PI4KA: variants seen among roughly 807,000 people sequenced by gnomAD.
PI4KA encodes phosphatidylinositol 4-kinase alpha.
A neutral mutation model predicts 271.4 loss-of-function variants in PI4KA; 122 were observed. The ratio of observed to expected loss-of-function variants is 0.45; its 90% CI spans 0.39 to 0.52. The LOEUF is 0.52. Among genes scored for constraint, PI4KA ranks in the 20% least tolerant of loss-of-function variants. PI4KA has a pLI of 0.00. For missense variants in PI4KA, 1,969 were observed against 2,769.1 expected, an observed-to-expected ratio of 0.71 and a Z score of 6.48; for synonymous variants, 1,041 against 1,078.8, an observed-to-expected ratio of 0.96 and a Z score of 0.69.
At chr22:20,858,084 T>C (rs1927831647) in intron 1 of PI4KA, among the ~76,000 whole-genome samples, 1 of 152,222 alleles carries the variant, frequency 6.6e-6, no homozygotes, top group African/African-American at 2.4e-5. Flanking sequence ...TTTCGTCTCC[T>C]GGTCACCACA....
intron 22 of PI4KA, 110 bp downstream of exon 22, chr22:20,764,707 T>G: frequency 8.3e-7 from 1 of 1,209,212 alleles, no homozygotes; most frequent in Non-Finnish European, 1.1e-6. Flanking sequence ...TTCAGAAAGT[T>G]TGCATGTCTT....
In PI4KA at chr22:20,813,462, A is replaced by T; in HGVS notation, c.901T>A (p.Phe301Ile). The change falls in exon 8 of 55, where the codon TTT becomes ATT. Residue 301 changes from phenylalanine to isoleucine, a missense_variant. By Grantham distance (21) the Phe-to-Ile change is conservative. This residue lies in a region of PI4KA where 540 missense variants were observed against 555.5 expected (regional missense o/e 0.97). Coordinates refer to ENST00000255882, the MANE Select transcript of PI4KA (RefSeq NM_058004.4). Reference sequence around the variant, plus strand: ...GAGAAGCTGGAGCTGATGGTTGAAAAGTAGTACTCAGGCTCTAGGGCAGTC... The same window carrying T: ...GAGAAGCTGGAGCTGATGGTTGAAATGTAGTACTCAGGCTCTAGGGCAGTC... ...DGTALEPEYY[F>I]STISSSFSVS... 1 of 1,614,054 alleles carries T rather than the reference A, an allele frequency of 6.2e-7. No homozygotes were observed. Among genetic ancestry groups the T allele is most frequent in the Non-Finnish European group, 8.5e-7 (1 of 1,179,932 alleles).
At chr22:20,807,280 C>T (rs1935713756) in intron 10 of PI4KA, 82 bp downstream of exon 10, 1 of 818,268 alleles carries the variant, frequency 1.2e-6, no homozygotes, top group African/African-American at 1.7e-5. Flanking sequence ...AAGTGAGTAC[C>T]AGTCTGCAAC....
chr22:20,728,796 T>C (rs777266109), intron 39 of PI4KA, among the ~76,000 whole-genome samples: 1 of 152,174 alleles, frequency 6.6e-6, no homozygotes, highest in Non-Finnish European at 1.5e-5. Flanking sequence ...GACCATCTGG[T>C]GGGATTCTAA....
chr22:20,764,016 C>A (rs1932266278), intron 22 of PI4KA, among the ~76,000 whole-genome samples: 1 of 152,206 alleles, frequency 6.6e-6, no homozygotes, highest in Non-Finnish European at 1.5e-5. Flanking sequence ...AATAGCCTTT[C>A]TCTCAGGAAC....
At chr22:20,753,736 G>A (rs9620496) in intron 23 of PI4KA, among the ~76,000 whole-genome samples, 6,131 of 152,184 alleles carry the variant, frequency 0.04, 389 homozygotes, top group African/African-American at 0.14. Context: ...GCCCAGGCTG[G>A]AGTGTGGTGG....
At position 20,815,109 on chromosome 22, in the gene PI4KA, G is replaced by C. The variant is rs573637108; in HGVS notation, c.857-1603C>G. Among the ~76,000 whole-genome samples, 58 of 152,156 alleles carry C rather than the reference G, an allele frequency of 3.8e-4. 1 individual carries two copies. The highest frequency in any genetic ancestry group is 1.3e-3 in the African/African-American group (55 of 41,568). Reference sequence around the variant, plus strand: ...ATAATAGAAAACTATGAGGCCAGGTGTGGTGGCTCACGCCTGTAATCCCAG... The same window carrying C: ...ATAATAGAAAACTATGAGGCCAGGTCTGGTGGCTCACGCCTGTAATCCCAG... On this transcript the variant is annotated intron_variant, in intron 7 of 54. Coordinates refer to ENST00000255882, the MANE Select transcript of PI4KA (RefSeq NM_058004.4).
chr22:20,714,968 C>A (rs1925791667), intron 45 of PI4KA, among the ~76,000 whole-genome samples: 2 of 152,216 alleles, frequency 1.3e-5, no homozygotes, highest in African/African-American at 4.8e-5. Context: ...GAGCACTGAG[C>A]CCCATCCTCA....
chr22:20,846,913 C>T (rs1018471192), intron 1 of PI4KA, among the ~76,000 whole-genome samples: 4 of 150,894 alleles, frequency 2.7e-5, no homozygotes, highest in East Asian at 2.0e-4. Flanking sequence ...TTTGGGAAGC[C>T]GAAGTGGGTG....
chr22:20,854,213 T>A (rs180949375), intron 1 of PI4KA, among the ~76,000 whole-genome samples: 8 of 148,632 alleles, frequency 5.4e-5, no homozygotes, highest in Admixed American at 4.0e-4. Flanking sequence ...CTCAGCCTCC[T>A]GGGTTCCAGT....
intron 7 of PI4KA, among the ~76,000 whole-genome samples, chr22:20,814,678 G>A (rs1339145867): frequency 6.6e-6 from 1 of 151,776 alleles, no homozygotes; most frequent in Non-Finnish European, 1.5e-5. Flanking sequence ...AGCCTGGGAG[G>A]TCGAGGCTAC....
At chr22:20,831,041 G>A (rs1406083164) in intron 3 of PI4KA, among the ~76,000 whole-genome samples, 1 of 152,144 alleles carries the variant, frequency 6.6e-6, no homozygotes, top group East Asian at 1.9e-4. Flanking sequence ...CCAAAGTGCT[G>A]GGATTACAGG....
intron 19 of PI4KA, among the ~76,000 whole-genome samples, chr22:20,770,834 G>A (rs1416842820): frequency 6.6e-6 from 1 of 152,042 alleles, no homozygotes; most frequent in Non-Finnish European, 1.5e-5. Flanking sequence ...TGGGATGATA[G>A]GCATGAGCCA....
At position 20,790,735 on chromosome 22, in the gene PI4KA, CA is replaced by C. The variant is rs1601506941; in HGVS notation, c.2328+2457del. On this transcript the variant is annotated intron_variant, in intron 19 of 54. Coordinates refer to ENST00000255882, the MANE Select transcript of PI4KA (RefSeq NM_058004.4). ...ACACACACACACACACACACACACA[CA>C]CACACAACAAAAAAAACCACCTCTG... Among the ~76,000 whole-genome samples the C allele has an allele frequency of 2.7e-5, 4 of 148,514 alleles. No individual in the cohort carries two copies. The East Asian group carries it at 7.9e-4, about 29-fold the overall frequency.
At chr22:20,767,555 C>T (rs560684242) in intron 19 of PI4KA, among the ~76,000 whole-genome samples, 3 of 152,120 alleles carry the variant, frequency 2.0e-5, no homozygotes, top group Admixed American at 2.0e-4. Context: ...CTCGATCTCC[C>T]AGGCTCAAGT....
Position 20,812,283 on chromosome 22 carries a change from G to A in PI4KA, c.1005+1075C>T, listed in dbSNP as rs180788209. On this transcript the variant is annotated intron_variant, in intron 8 of 54. Coordinates refer to ENST00000255882, the MANE Select transcript of PI4KA (RefSeq NM_058004.4). The stretch of plus-strand genomic sequence containing the variant: ...CTAGCCTATTTAGTAATTCATTATG[G>A]TTCCATCCTCATTAATTATTACCTA... Among the ~76,000 whole-genome samples, 331 of 152,180 alleles carry A rather than the reference G, an allele frequency of 2.2e-3. 1 individual carries two copies. Among genetic ancestry groups the A allele is most frequent in the African/African-American group, 7.9e-3 (329 of 41,526 alleles).
At chr22:20,746,670 T>A (rs1161841443) in intron 29 of PI4KA, among the ~76,000 whole-genome samples, 1 of 152,224 alleles carries the variant, frequency 6.6e-6, no homozygotes, top group African/African-American at 2.4e-5. Context: ...TGATACCTGG[T>A]GCCCCGTCAG....
intron 19 of PI4KA, among the ~76,000 whole-genome samples, chr22:20,770,546 A>C (rs1397908334): frequency 7.2e-6 from 1 of 138,834 alleles, no homozygotes; most frequent in Non-Finnish European, 1.6e-5. Context: ...AGAGAGAGAG[A>C]TCGGTTTTGC....
chr22:20,714,218 G>C (rs1925690578), intron 47 of PI4KA, among the ~76,000 whole-genome samples: 1 of 151,838 alleles, frequency 6.6e-6, no homozygotes, highest in Non-Finnish European at 1.5e-5. Flanking sequence ...GCCTCAGGAA[G>C]GAGCCTGCTG....
Sources: gnomAD v4.1 joint callset for allele counts (sites outside exome capture counted in the v4.1 genomes callset) on GRCh38, gnomAD v4.1.1 for gene constraint, gnomAD v4.1.1 regional missense constraint, MANE v1.5 for transcripts, NCBI Gene and HGNC (gene_info 2026-07-23, HGNC 2026-07-21) for gene names.